HOOK3: variants seen among roughly 807,000 people sequenced by gnomAD.
The protein encoded by HOOK3 is protein Hook homolog 3.
A neutral mutation model predicts 116.3 loss-of-function variants in HOOK3; 24 were observed. The observed-to-expected ratio is 0.21, with a 90% CI of 0.15 to 0.29. The LOEUF (loss-of-function observed/expected upper bound fraction) is 0.29. HOOK3 is among the 10% of genes least tolerant of loss of function. The pLI, the probability that HOOK3 is intolerant of heterozygous loss-of-function variation, is 1.00. For missense variants in HOOK3, 632 were observed against 830.2 expected, an observed-to-expected ratio of 0.76 and a Z score of 2.93; for synonymous variants, 275 against 283.0, an observed-to-expected ratio of 0.97 and a Z score of 0.28.
intron 2 of HOOK3, among the ~76,000 whole-genome samples, chr8:42,913,497 A>G (rs1190754346): frequency 2.0e-5 from 3 of 152,230 alleles, no homozygotes; most frequent in African/African-American, 7.2e-5. Context: ...ATATACCACA[A>G]TTTACATATC....
chr8:42,980,988 G>A (rs1461253999), intron 13 of HOOK3, among the ~76,000 whole-genome samples: 3 of 152,100 alleles, frequency 2.0e-5, no homozygotes, highest in Non-Finnish European at 4.4e-5. Flanking sequence ...CCACCAGCAG[G>A]CAGGCTCTTA....
At chr8:42,988,148 G>C (rs1809083870) in intron 15 of HOOK3, among the ~76,000 whole-genome samples, 1 of 152,136 alleles carries the variant, frequency 6.6e-6, no homozygotes, top group Non-Finnish European at 1.5e-5. Flanking sequence ...ATAAACAGAA[G>C]GAGAAAATTT....
chr8:42,944,633 A>C (rs985421823), intron 5 of HOOK3, among the ~76,000 whole-genome samples: 7 of 151,912 alleles, frequency 4.6e-5, no homozygotes, highest in African/African-American at 1.7e-4. Context: ...AGCCTGGCCA[A>C]GATGGTGAAA....
intron 21 of HOOK3, 66 bp downstream of exon 21, chr8:43,013,466 C>T: frequency 1.6e-6 from 2 of 1,279,748 alleles, no homozygotes; most frequent in Non-Finnish European, 2.1e-6. Flanking sequence ...ATTATATTCC[C>T]TTTACTGTAG....
intron 18 of HOOK3, among the ~76,000 whole-genome samples, chr8:43,009,558 C>T (rs1204706905): frequency 1.3e-5 from 2 of 152,054 alleles, no homozygotes; most frequent in Non-Finnish European, 2.9e-5. Flanking sequence ...GTAAGTCATC[C>T]AGACCTGTGC....
intron 4 of HOOK3, among the ~76,000 whole-genome samples, chr8:42,933,637 G>A (rs888402960): frequency 1.3e-5 from 2 of 151,980 alleles, no homozygotes; most frequent in African/African-American, 4.8e-5. Context: ...TCATGTTTTG[G>A]TAGAGCCCAT....
chr8:42,959,461 G>A, intron 8 of HOOK3, 147 bp downstream of exon 8: 1 of 552,212 alleles, frequency 1.8e-6, no homozygotes, highest in Non-Finnish European at 3.2e-6. Flanking sequence ...GCTCACACCT[G>A]TAATCCCAGC....
intron 2 of HOOK3, among the ~76,000 whole-genome samples, chr8:42,914,037 C>G (rs1454500557): frequency 1.3e-5 from 2 of 152,190 alleles, no homozygotes; most frequent in African/African-American, 4.8e-5. Flanking sequence ...CTGGTTCTCT[C>G]CTAACAGCAC....
intron 7 of HOOK3, among the ~76,000 whole-genome samples, chr8:42,958,981 G>A (rs557174761): frequency 1.3e-5 from 2 of 151,002 alleles, no homozygotes; most frequent in South Asian, 2.1e-4. Context: ...CAAAAAAGAC[G>A]CATAAGAAAA....
intron 4 of HOOK3, among the ~76,000 whole-genome samples, chr8:42,941,545 C>T (rs1241656870): frequency 4.1e-5 from 6 of 147,906 alleles, no homozygotes; most frequent in Non-Finnish European, 8.9e-5. Context: ...AAAAAAGAGG[C>T]ATGAGCCACT....
At position 43,027,524 on chromosome 8, in the gene HOOK3, G is replaced by C. The variant is rs1469680439; in HGVS notation, c.*9026G>C. The C allele has an allele frequency of 5.4e-6, 2 of 368,498 alleles. No homozygotes were observed. Among genetic ancestry groups the C allele is most frequent in the Non-Finnish European group, 1.1e-5 (2 of 190,080 alleles). The allele number at this position is 368,498 out of a possible 1,614,324, so 22.8% of individuals were successfully genotyped here. On this transcript the variant is annotated 3_prime_UTR_variant, in exon 22 of 22. Coordinates refer to ENST00000307602, the MANE Select transcript of HOOK3 (RefSeq NM_032410.4). ...GCATGAGAAGCTCATCTAGAAGAGA[G>C]CAACGCTGGAATAGAGAAGTCTAGA...
intron 21 of HOOK3, among the ~76,000 whole-genome samples, chr8:43,017,406 A>C (rs1218050626): frequency 6.6e-6 from 1 of 152,162 alleles, no homozygotes. Context: ...AGCTGGGACT[A>C]TGGGCATGCC....
chr8:42,948,551 T>C (rs530370891), intron 5 of HOOK3, among the ~76,000 whole-genome samples: 2 of 152,304 alleles, frequency 1.3e-5, no homozygotes, highest in East Asian at 1.9e-4. Context: ...TCCACTGTTA[T>C]TTCCTTCACT....
intron 13 of HOOK3, 42 bp from the exon 14 acceptor site, chr8:42,982,585 G>C (rs767825337): frequency 7.4e-7 from 1 of 1,358,796 alleles, no homozygotes; most frequent in East Asian, 2.3e-5. Context: ...TTGTGTAACT[G>C]TGTTTTCCAT....
At chr8:43,007,249 GTCAAGTGA>G (rs1375658929) in intron 17 of HOOK3, among the ~76,000 whole-genome samples, 1 of 151,982 alleles carries the variant, frequency 6.6e-6, no homozygotes, top group East Asian at 1.9e-4. Flanking sequence ...AACTTGTGAT[GTCAAGTGA>G]TCCGCCTGCC....
At chr8:43,008,663 A>ATTTTTT (rs546007965) in intron 18 of HOOK3, among the ~76,000 whole-genome samples, 33 of 131,436 alleles carry the variant, frequency 2.5e-4, no homozygotes, top group Non-Finnish European at 3.4e-4. Flanking sequence ...TTTTATTTTT[A>ATTTTTT]TTTTTTTTTT....
chr8:42,908,934 CTG>C (rs1807367382), intron 2 of HOOK3, among the ~76,000 whole-genome samples: 1 of 152,234 alleles, frequency 6.6e-6, no homozygotes, highest in African/African-American at 2.4e-5. Flanking sequence ...ACTATCCAGT[CTG>C]TATAAGAAAC....
chr8:42,914,344 T>G (rs1807490466), intron 2 of HOOK3, among the ~76,000 whole-genome samples: 1 of 152,230 alleles, frequency 6.6e-6, no homozygotes, highest in African/African-American at 2.4e-5. Flanking sequence ...TCTTCTCCAT[T>G]AATCTTGTCT....
chr8:42,945,428 G>A (rs1025663695), intron 5 of HOOK3, among the ~76,000 whole-genome samples: 28 of 152,118 alleles, frequency 1.8e-4, no homozygotes, highest in African/African-American at 6.8e-4. Flanking sequence ...TCCTGCCTCA[G>A]CCTCTTGAGT....
Sources: allele counts gnomAD v4.1 joint callset (sites outside exome capture counted in the v4.1 genomes callset), GRCh38; gene constraint gnomAD v4.1.1; transcripts MANE v1.5; gene names NCBI Gene and HGNC (gene_info 2026-07-23, HGNC 2026-07-21).